The following IL16 variants were observed in gnomAD, a reference collection of about 807,000 sequenced individuals.
IL16 encodes the protein pro-interleukin-16.
IL16 carries 67 observed loss-of-function variants against 110.1 expected under a neutral mutation model. That is an observed-to-expected ratio of 0.61 (90% CI 0.50 to 0.75). The LOEUF (loss-of-function observed/expected upper bound fraction) is 0.75, where lower values mean the gene tolerates loss of function less well. Among genes scored for constraint, IL16 ranks in the 30% least tolerant of loss-of-function variants. The pLI, the probability that IL16 is intolerant of heterozygous loss-of-function variation, is 0.00. For synonymous variants in IL16, 689 were observed against 662.9 expected, an observed-to-expected ratio of 1.04 and a Z score of -0.61; for missense variants, 1,545 against 1,655.0, an observed-to-expected ratio of 0.93 and a Z score of 1.15.
At chr15:81,306,622 C>G in intron 18 of IL16, 77 bp downstream of exon 18, 2 of 1,562,428 alleles carry the variant, frequency 1.3e-6, no homozygotes, top group Non-Finnish European at 1.7e-6. Flanking sequence ...CTTCTGGGCA[C>G]TTTCTGGGCT....
intron 3 of IL16, among the ~76,000 whole-genome samples, chr15:81,265,374 T>G (rs1048636616): frequency 2.6e-5 from 4 of 152,226 alleles, no homozygotes; most frequent in African/African-American, 7.2e-5. Flanking sequence ...GCACACTGAT[T>G]GACTTGCAGG....
At chr15:81,221,135 G>A (rs1357462445) in intron 1 of IL16, among the ~76,000 whole-genome samples, 1 of 152,044 alleles carries the variant, frequency 6.6e-6, no homozygotes, top group Non-Finnish European at 1.5e-5. Flanking sequence ...AAATACACTA[G>A]CTCTGTTGGG....
intron 11 of IL16, chr15:81,292,227 C>G (rs1899753910): frequency 5.1e-6 from 2 of 392,938 alleles, no homozygotes; most frequent in Non-Finnish European, 9.8e-6. Flanking sequence ...GTGGCAGCCC[C>G]TGGAGGGACC....
chr15:81,187,731 T>C (rs1895438838), intron 1 of IL16, among the ~76,000 whole-genome samples: 1 of 152,222 alleles, frequency 6.6e-6, no homozygotes, highest in African/African-American at 2.4e-5. Context: ...TGGCACCTGC[T>C]TTGTCCTCCT....
At chr15:81,278,727 G>T in intron 6 of IL16, 90 bp from the exon 7 acceptor site, 1 of 857,966 alleles carries the variant, frequency 1.2e-6, no homozygotes, top group South Asian at 1.3e-5. Context: ...ACAAAAAGCC[G>T]GGCAGTTGGG....
At chr15:81,194,103 A>T (rs1895542421), upstream of IL16, among the ~76,000 whole-genome samples, 1 of 152,202 alleles carries the variant, frequency 6.6e-6, no homozygotes, top group Admixed American at 6.5e-5. Flanking sequence ...CATTTTATAG[A>T]TTGCAGGACA....
chr15:81,227,514 G>A (rs1033347009), intron 2 of IL16, among the ~76,000 whole-genome samples: 6 of 152,148 alleles, frequency 3.9e-5, no homozygotes, highest in Admixed American at 1.3e-4. Flanking sequence ...GTGCCTAGGA[G>A]CATCAAGGAG....
At chr15:81,282,324 A>T (rs940892155) in intron 8 of IL16, among the ~76,000 whole-genome samples, 6 of 152,188 alleles carry the variant, frequency 3.9e-5, no homozygotes, top group African/African-American at 1.2e-4. Flanking sequence ...TTTCCAGCAC[A>T]TTCTGCGTAC....
chr15:81,238,523 G>GTCTTACTT (rs1351363824), intron 2 of IL16, among the ~76,000 whole-genome samples: 2 of 152,072 alleles, frequency 1.3e-5, no homozygotes, highest in Admixed American at 1.3e-4. Context: ...AAGTGTAGAA[G>GTCTTACTT]TCTTACTTAT....
chr15:81,310,309 G>C lies in IL16; in HGVS notation c.*1511G>C, dbSNP rs138276626. ...GTGAAGAATCTGTTTCCCAGCAGTG[G>C]ACTCAAAACCCATCTGGGCTCCTAA... On this transcript the variant is annotated 3_prime_UTR_variant, in exon 19 of 19. Transcript: ENST00000683961. 305 of 152,346 alleles carry C rather than the reference G, an allele frequency of 2.0e-3. 1 individual carries two copies. The highest frequency in any genetic ancestry group is 6.9e-3 in the African/African-American group (288 of 41,586). 9.4% of individuals were successfully genotyped at this position (152,346 alleles called of 1,614,324 possible).
At chr15:81,306,625 T>C (rs1157828261) in intron 18 of IL16, 80 bp downstream of exon 18, 1 of 1,557,652 alleles carries the variant, frequency 6.4e-7, no homozygotes, top group South Asian at 1.1e-5. Context: ...CTGGGCACTT[T>C]CTGGGCTATG....
intron 2 of IL16, among the ~76,000 whole-genome samples, chr15:81,250,526 A>AT (rs796298106): frequency 5.2e-4 from 78 of 151,106 alleles, no homozygotes; most frequent in South Asian, 2.1e-3. Context: ...TTTTGCTTTG[A>AT]TTTTTTTTTC....
chr15:81,232,042 G>GTTTTTTTTTTTGTTTTTTTTTTTTTTTT (rs1897009850), intron 2 of IL16, among the ~76,000 whole-genome samples: 1 of 57,694 alleles, frequency 1.7e-5, no homozygotes, highest in African/African-American at 6.4e-5. Context: ...ATTTGTTCTT[G>GTTTTTTTTTTTGTTTTTTTTTTTTTTTT]TTTTTTTTTT....
At position 81,310,244 on chromosome 15, in the gene IL16, T is replaced by A. The variant is rs1297253320; in HGVS notation, c.*1446T>A. 3.3e-5 allele frequency: 5 copies of A among 152,234 alleles called. No individual in the cohort carries two copies. Among genetic ancestry groups the A allele is most frequent in the African/African-American group, 1.2e-4 (5 of 41,462 alleles). The allele number at this position is 152,234 out of a possible 1,614,324, so 9.4% of individuals were successfully genotyped here. A position where few individuals can be genotyped will look rare whatever the true frequency, so the allele number is the denominator to read the frequency against. On this transcript the variant is annotated 3_prime_UTR_variant, in exon 19 of 19. Transcript: ENST00000683961. ...TCTCAGGCCATCATCAGTGGAGCCA[T>A]GTTAATGTAATCTGATGGCTTCTCC... is the stretch of plus-strand genomic sequence containing the variant.
intron 2 of IL16, among the ~76,000 whole-genome samples, chr15:81,248,719 C>CTTTTTTTTTTTTTTT (rs61480285): frequency 8.9e-6 from 1 of 112,246 alleles, no homozygotes; most frequent in African/African-American, 3.4e-5. Context: ...TTCTTTCTTT[C>CTTTTTTTTTTTTTTT]TTTTTTTTTT....
At position 81,313,424 on chromosome 15, in the gene IL16, C is replaced by A; in HGVS notation, c.*4626C>A. 6.6e-7 allele frequency: 1 copy of A among 1,512,864 alleles called. No individual in the cohort carries two copies. The highest frequency in any genetic ancestry group is 8.9e-7 in the Non-Finnish European group (1 of 1,127,018). 93.7% of individuals were successfully genotyped at this position (1,512,864 alleles called of 1,614,324 possible). On this transcript the variant is annotated 3_prime_UTR_variant, in exon 19 of 19. Coordinates refer to ENST00000683961, the MANE Select transcript of IL16 (RefSeq NM_172217.5). ...GTTCCCTGTGAAGGCAACAGCAGAG[C>A]TGTGTTATGATCTGCAGCAGAGGTG...
chr15:81,300,242 C>T lies in IL16; in HGVS notation c.2916C>T (p.Ser972=), dbSNP rs1253327043. 2 of 1,614,238 alleles carry T rather than the reference C, an allele frequency of 1.2e-6. No individual in the cohort carries two copies. The highest frequency in any genetic ancestry group is 1.7e-6 in the Non-Finnish European group (2 of 1,180,048). The change falls in exon 14 of 19, where the codon TCC becomes TCT. Residue 972 remains serine (S), a synonymous_variant. Transcript: ENST00000683961. ...QRARSFPLTR[S]QSCETKLLDE... ...CACGGAGCTTCCCCCTGACCAGGTC[C>T]CAGTCCTGTGAGACGAAGCTACTTG...
At position 81,299,692 on chromosome 15, in the gene IL16, C is replaced by T; in HGVS notation, c.2366C>T (p.Pro789Leu). The T allele has an allele frequency of 1.2e-6, 2 of 1,614,236 alleles. No homozygotes were observed. The highest frequency in any genetic ancestry group is 2.2e-5 in the East Asian group (1 of 44,880). ...VKKGPPVAPK[P>L]AWFRQSLKGL... ...AAAGGTCCTCCTGTGGCTCCCAAGCCAGCCTGGTTTCGCCAAAGCTTGAAA... is the reference window on the plus strand; with the variant it reads ...AAAGGTCCTCCTGTGGCTCCCAAGCTAGCCTGGTTTCGCCAAAGCTTGAAA... The change falls in exon 14 of 19, where the codon CCA (proline) becomes CTA (leucine). Residue 789 changes from proline (P) to leucine (L), a missense_variant. This residue lies in a region of IL16 where 1,185 missense variants were observed against 1,238.8 expected (regional missense o/e 0.96). Coordinates refer to ENST00000683961, the MANE Select transcript of IL16 (RefSeq NM_172217.5).
intron 2 of IL16, among the ~76,000 whole-genome samples, chr15:81,239,820 C>A (rs1438738792): frequency 1.3e-5 from 2 of 151,860 alleles, no homozygotes; most frequent in East Asian, 1.9e-4. Flanking sequence ...TGCCTATTGG[C>A]AGTTCTGGGT....
Sources: allele counts gnomAD v4.1 joint callset (sites outside exome capture counted in the v4.1 genomes callset), GRCh38; gene constraint gnomAD v4.1.1; regional missense constraint gnomAD v4.1.1; transcripts MANE v1.5; gene names NCBI Gene and HGNC (gene_info 2026-07-23, HGNC 2026-07-21).